ITGA1: variants seen among roughly 807,000 people sequenced by gnomAD.
The protein encoded by ITGA1 is integrin subunit alpha 1.
Under a neutral mutation model 145.9 loss-of-function variants are expected in ITGA1, and 85 were observed. The ratio of observed to expected loss-of-function variants is 0.58; its 90% CI spans 0.49 to 0.70. The LOEUF (loss-of-function observed/expected upper bound fraction) is 0.70, where lower values mean the gene tolerates loss of function less well. Ranked by LOEUF, ITGA1 falls within the 30% of genes least tolerant of loss-of-function variation. ITGA1 has a pLI of 0.00. For synonymous variants in ITGA1, 520 were observed against 495.3 expected (o/e 1.05, Z -0.66); for missense variants, 1,351 against 1,418.7 (o/e 0.95, Z 0.77).
chr5:52,929,432 T>A (rs562427768), intron 20 of ITGA1, among the ~76,000 whole-genome samples, 193 bp from the exon 21 acceptor site: 1 of 152,288 alleles, frequency 6.6e-6, no homozygotes, highest in East Asian at 1.9e-4. Flanking sequence ...TGGTAGACAT[T>A]CACATTGAAA....
chr5:52,857,275 C>T (rs556055236), intron 2 of ITGA1, among the ~76,000 whole-genome samples: 28 of 152,160 alleles, frequency 1.8e-4, no homozygotes, highest in Non-Finnish European at 3.5e-4. Context: ...AGGGAATGGT[C>T]GCTCTTCCTC....
At chr5:52,844,721 G>A (rs140895912) in intron 1 of ITGA1, among the ~76,000 whole-genome samples, 15 of 152,110 alleles carry the variant, frequency 9.9e-5, no homozygotes, top group African/African-American at 3.4e-4. Flanking sequence ...TCTTATCTAT[G>A]TTTATTTCCC....
At chr5:52,863,802 T>C (rs1749642960) in intron 3 of ITGA1, among the ~76,000 whole-genome samples, 2 of 152,104 alleles carry the variant, frequency 1.3e-5, no homozygotes, top group Non-Finnish European at 2.9e-5. Context: ...TTTTTCTGGG[T>C]CAAGCTTTGT....
At chr5:52,860,063 C>G (rs961699761) in intron 2 of ITGA1, among the ~76,000 whole-genome samples, 1 of 152,048 alleles carries the variant, frequency 6.6e-6, no homozygotes, top group Non-Finnish European at 1.5e-5. Flanking sequence ...TGCAGCTGAG[C>G]GAAGTTATTT....
chr5:52,838,603 A>G (rs1749200859), intron 1 of ITGA1, among the ~76,000 whole-genome samples: 1 of 152,228 alleles, frequency 6.6e-6, no homozygotes, highest in African/African-American at 2.4e-5. Context: ...CAAATAAAAA[A>G]AGAGAGGTCA....
At chr5:52,930,067 A>G (rs1222577650) in intron 21 of ITGA1, among the ~76,000 whole-genome samples, 1 of 152,180 alleles carries the variant, frequency 6.6e-6, no homozygotes, top group Non-Finnish European at 1.5e-5. Flanking sequence ...CATTAGATGG[A>G]CTTAAAGTTT....
intron 2 of ITGA1, among the ~76,000 whole-genome samples, chr5:52,850,127 T>C (rs1425658678): frequency 6.6e-6 from 1 of 151,468 alleles, no homozygotes; most frequent in Non-Finnish European, 1.5e-5. Flanking sequence ...CTCAGCCTCC[T>C]AGTAGCTGGG....
Position 52,934,008 on chromosome 5 carries a change from C to G in ITGA1, c.2964+12C>G, listed in dbSNP as rs745439593. The G allele has an allele frequency of 4.4e-6, 5 of 1,140,862 alleles. No individual in the cohort carries two copies. In the African/African-American group the frequency reaches 6.3e-5, roughly 14 times the overall value. The allele number at this position is 1,140,862 out of a possible 1,614,324, so 70.7% of individuals were successfully genotyped here. ...ATATCTTCTACTTGGTAAGAAATTA[C>G]CTCTAAAATAGTATTCTAAAGGAGT... On this transcript the variant is annotated intron_variant, in intron 23 of 28. Transcript: ENST00000282588.
intron 1 of ITGA1, among the ~76,000 whole-genome samples, chr5:52,798,169 T>C (rs1292918747): frequency 1.3e-5 from 2 of 152,346 alleles, no homozygotes; most frequent in Admixed American, 1.3e-4. Flanking sequence ...GTGTGATTAG[T>C]TCTTTGCTTA....
chr5:52,887,417 G>A (rs1311166022), intron 7 of ITGA1, among the ~76,000 whole-genome samples: 1 of 152,184 alleles, frequency 6.6e-6, no homozygotes, highest in Non-Finnish European at 1.5e-5. Context: ...GTTTCTGCTA[G>A]ACGCAGAAGA....
chr5:52,858,651 C>A (rs775251234), intron 2 of ITGA1, among the ~76,000 whole-genome samples: 2 of 152,014 alleles, frequency 1.3e-5, no homozygotes, highest in Non-Finnish European at 2.9e-5. Flanking sequence ...CCAATTTATT[C>A]CATTACGTAT....
Position 52,893,723 on chromosome 5 carries a change from G to A in ITGA1, c.973G>A (p.Glu325Lys). Residue 325 changes from glutamate to lysine, a missense_variant, in exon 9 of 29, where the codon GAG (glutamate) becomes AAG (lysine). By Grantham distance (56) the Glu-to-Lys change is moderately conservative (BLOSUM62 1). Transcript: ENST00000282588. Reference sequence around the variant, plus strand: ...AAATTTAAGCACTGAAAAATTTGTGGAGGAAATAAAATCAATTGCAAGTGA... The same window carrying A: ...AAATTTAAGCACTGAAAAATTTGTGAAGGAAATAAAATCAATTGCAAGTGA... ...RGNLSTEKFV[E>K]EIKSIASEPT... 1 of 1,612,990 alleles carries A rather than the reference G, an allele frequency of 6.2e-7. No homozygotes were observed.
chr5:52,890,405 T>C (rs569808303), intron 8 of ITGA1, among the ~76,000 whole-genome samples: 1 of 152,240 alleles, frequency 6.6e-6, no homozygotes. Flanking sequence ...ATTCTGTTTT[T>C]AAAAATTGAA....
intron 6 of ITGA1, among the ~76,000 whole-genome samples, chr5:52,879,580 A>T (rs184434652): frequency 4.5e-4 from 68 of 152,354 alleles, no homozygotes; most frequent in Admixed American, 4.4e-3. Flanking sequence ...AAAGAATTTT[A>T]AATTTATGCA....
intron 6 of ITGA1, among the ~76,000 whole-genome samples, chr5:52,877,142 A>G (rs901973471): frequency 6.6e-6 from 1 of 152,218 alleles, no homozygotes; most frequent in Non-Finnish European, 1.5e-5. Context: ...CTTTTAAAGT[A>G]TATTTCGAAG....
At chr5:52,836,745 C>CTCTT (rs1454377791) in intron 1 of ITGA1, among the ~76,000 whole-genome samples, 1 of 152,106 alleles carries the variant, frequency 6.6e-6, no homozygotes, top group Non-Finnish European at 1.5e-5. Flanking sequence ...TTCAATCAAG[C>CTCTT]TCTTCTATTT....
rs973794065 is a variant in ITGA1, at chr5:52,955,177, C to T, written c.*2726C>T. On this transcript the variant is annotated 3_prime_UTR_variant, in exon 29 of 29. Transcript: ENST00000282588. ...CCAGGAGGGAAAAAAAAAACAGTCT[C>T]TGATTTGTATCATTTGCCAATTTCC... The T allele has an allele frequency of 6.8e-4, 103 of 151,574 alleles. 1 individual carries two copies. The highest frequency in any genetic ancestry group is 2.4e-3 in the African/African-American group (99 of 41,378). 9.4% of individuals were successfully genotyped at this position (151,574 alleles called of 1,614,324 possible).
intron 1 of ITGA1, among the ~76,000 whole-genome samples, chr5:52,833,904 A>G (rs1005486572): frequency 6.6e-6 from 1 of 152,222 alleles, no homozygotes; most frequent in African/African-American, 2.4e-5. Context: ...TAGAATTGCA[A>G]ACTTACATGA....
intron 11 of ITGA1, among the ~76,000 whole-genome samples, chr5:52,900,843 G>T (rs767985901): frequency 1.4e-4 from 21 of 152,056 alleles, no homozygotes; most frequent in Non-Finnish European, 2.6e-4. Flanking sequence ...TTAGTACTGT[G>T]CCTGACACAC....
Sources: allele counts gnomAD v4.1 joint callset (sites outside exome capture counted in the v4.1 genomes callset), GRCh38; gene constraint gnomAD v4.1.1; transcripts MANE v1.5; gene names NCBI Gene and HGNC (gene_info 2026-07-23, HGNC 2026-07-21).